NRP1: variants seen among roughly 807,000 people sequenced by gnomAD.
The protein encoded by NRP1 is neuropilin 1.
NRP1 carries 35 observed loss-of-function variants against 106.7 expected under a neutral mutation model. The observed-to-expected ratio is 0.33, with a 90% CI of 0.25 to 0.43. The LOEUF (loss-of-function observed/expected upper bound fraction) is 0.43, where lower values mean the gene tolerates loss of function less well. NRP1 is among the 20% of genes least tolerant of loss of function. NRP1 has a pLI of 1.00. For missense variants in NRP1, 1,024 were observed against 1,170.4 expected, an observed-to-expected ratio of 0.87 and a Z score of 1.83; for synonymous variants, 437 against 417.9, an observed-to-expected ratio of 1.05 and a Z score of -0.56.
intron 6 of NRP1, among the ~76,000 whole-genome samples, chr10:33,245,848 G>A (rs1171192727): frequency 6.6e-6 from 1 of 152,092 alleles, no homozygotes; most frequent in Non-Finnish European, 1.5e-5. Flanking sequence ...AATAGACACT[G>A]GCATCAAACA....
chr10:33,257,863 T>C (rs577997003), intron 4 of NRP1, among the ~76,000 whole-genome samples: 235 of 152,142 alleles, frequency 1.5e-3, no homozygotes, highest in African/African-American at 5.4e-3. Context: ...GGCAAAAACA[T>C]ACCAGATGGT....
chr10:33,217,766 C>A (rs1299349286), intron 8 of NRP1, among the ~76,000 whole-genome samples: 4 of 152,098 alleles, frequency 2.6e-5, no homozygotes, highest in African/African-American at 9.7e-5. Context: ...CACTTGGCAG[C>A]CTTGTTTGGA....
At chr10:33,185,142 TAA>T (rs1431842651) in intron 15 of NRP1, among the ~76,000 whole-genome samples, 6 of 152,248 alleles carry the variant, frequency 3.9e-5, no homozygotes, top group Non-Finnish European at 1.5e-5. Flanking sequence ...TCAGATATTT[TAA>T]AAGTCAGAAA....
intron 2 of NRP1, among the ~76,000 whole-genome samples, chr10:33,290,229 T>C: frequency 6.6e-6 from 1 of 152,168 alleles, no homozygotes; most frequent in East Asian, 1.9e-4. Context: ...ATCTTATCTG[T>C]CTACAGAAGA....
intron 3 of NRP1, among the ~76,000 whole-genome samples, chr10:33,264,426 T>C (rs946819470): frequency 6.6e-6 from 1 of 152,218 alleles, no homozygotes; most frequent in Non-Finnish European, 1.5e-5. Context: ...TGACTCATTC[T>C]GAGTGGTGTT....
chr10:33,286,687 T>A (rs944213950), intron 2 of NRP1, among the ~76,000 whole-genome samples: 28 of 152,176 alleles, frequency 1.8e-4, no homozygotes, highest in African/African-American at 6.8e-4. Flanking sequence ...CTTAACTTAT[T>A]CTGCTGACTT....
intron 8 of NRP1, among the ~76,000 whole-genome samples, chr10:33,220,900 C>CAAAAAAACAAAAAAA (rs1839183933): frequency 1.6e-5 from 1 of 60,680 alleles, no homozygotes; most frequent in Non-Finnish European, 2.9e-5. Context: ...GGCTCAGTCT[C>CAAAAAAACAAAAAAA]AAAAAAAAAA....
At chr10:33,209,756 C>T (rs937573429) in intron 9 of NRP1, among the ~76,000 whole-genome samples, 74 of 152,364 alleles carry the variant, frequency 4.9e-4, no homozygotes, top group African/African-American at 1.7e-3. Flanking sequence ...GGATTATAGG[C>T]GTGAGCCTTC....
intron 3 of NRP1, among the ~76,000 whole-genome samples, chr10:33,269,217 T>G (rs992111271): frequency 2.6e-5 from 4 of 152,214 alleles, no homozygotes; most frequent in African/African-American, 9.6e-5. Flanking sequence ...CAAAAGGAAT[T>G]TATAGGCAGT....
At position 33,192,413 on chromosome 10, in the gene NRP1, G is replaced by A; in HGVS notation, c.1930C>T (p.Pro644Ser). The A allele has an allele frequency of 6.2e-7, 1 of 1,613,616 alleles. No individual in the cohort carries two copies. Among genetic ancestry groups the A allele is most frequent in the Non-Finnish European group, 8.5e-7 (1 of 1,179,862 alleles). The change falls in exon 13 of 17, where the codon CCA (proline) becomes TCA (serine). Residue 644 changes from proline (P) to serine (S), a missense_variant. This residue lies in a region of NRP1 where 562 missense variants were observed against 620.3 expected (regional missense o/e 0.91). Coordinates refer to ENST00000374867, the MANE Select transcript of NRP1 (RefSeq NM_003873.7). ...AATTCACAGTTAAAACCATATGTTG[G>A]AAACTCTTCAGTGGGTGGGAAGTAA... ...VIDSTIQSEF[P>S]TYGFNCEFGW...
At chr10:33,259,301 C>T (rs554826444) in intron 4 of NRP1, among the ~76,000 whole-genome samples, 1 of 152,192 alleles carries the variant, frequency 6.6e-6, no homozygotes, top group Non-Finnish European at 1.5e-5. Flanking sequence ...GTGCCACTCT[C>T]TTTAGGAGCC....
rs149287152 is a variant in NRP1 at position 33,252,096 on chromosome 10, G to A, written c.981+1932C>T. Among the ~76,000 whole-genome samples the A allele has an allele frequency of 6.4e-3, 970 of 152,248 alleles. 4 individuals carry two copies. The highest frequency in any genetic ancestry group is 9.5e-3 in the Non-Finnish European group (644 of 68,032). ...AGATATACAAGCGGCTGGATATCGT[G>A]AGGAACACATTGGGGGAAGAAGGCA... On this transcript the variant is annotated intron_variant, in intron 6 of 16. Coordinates refer to ENST00000374867, the MANE Select transcript of NRP1 (RefSeq NM_003873.7).
chr10:33,309,950 C>CTTT (rs35907466), intron 2 of NRP1, among the ~76,000 whole-genome samples: 2 of 139,548 alleles, frequency 1.4e-5, no homozygotes, highest in African/African-American at 2.6e-5. Flanking sequence ...CTGTATTTGC[C>CTTT]TTTTTTTTTT....
intron 6 of NRP1, among the ~76,000 whole-genome samples, chr10:33,245,069 C>T (rs1841318432): frequency 6.6e-6 from 1 of 152,100 alleles, no homozygotes; most frequent in South Asian, 2.1e-4. Context: ...CTGCATAAGG[C>T]AAACAAACAC....
Position 33,263,718 on chromosome 10 carries a change from G to A in NRP1, c.586C>T (p.Pro196Ser). Residue 196 changes from proline (P) to serine (S), a missense_variant, in exon 4 of 17, where the codon CCT (proline) becomes TCT (serine). This residue lies in a region of NRP1 where 279 missense variants were observed against 327.4 expected (regional missense o/e 0.85). Transcript: ENST00000374867. Reference sequence around the variant, plus strand: ...ATCCCCCCTGGAGGATTTGAGTCAGGCTCCAGGTCAAAGCTTTCAAATTCC... The same window carrying A: ...ATCCCCCCTGGAGGATTTGAGTCAGACTCCAGGTCAAAGCTTTCAAATTCC... The part of the protein sequence containing the change: ...ILEFESFDLE[P>S]DSNPPGGMFC... 1 of 1,614,076 alleles carries A rather than the reference G, an allele frequency of 6.2e-7. No homozygotes were observed. The highest frequency in any genetic ancestry group is 8.5e-7 in the Non-Finnish European group (1 of 1,179,998).
intron 7 of NRP1, 130 bp downstream of exon 7, chr10:33,226,004 A>AATTGC: frequency 1.0e-6 from 1 of 998,174 alleles, no homozygotes; most frequent in African/African-American, 1.6e-5. Flanking sequence ...TTAAACCTCT[A>AATTGC]ATTGCACTTT....
intron 7 of NRP1, among the ~76,000 whole-genome samples, chr10:33,225,793 G>C (rs1008725465): frequency 6.6e-6 from 1 of 152,116 alleles, no homozygotes; most frequent in African/African-American, 2.4e-5. Flanking sequence ...GAAATCGAGG[G>C]GGGAAAAACA....
intron 2 of NRP1, among the ~76,000 whole-genome samples, chr10:33,302,382 C>T (rs955458275): frequency 2.6e-5 from 4 of 152,222 alleles, no homozygotes; most frequent in Admixed American, 1.3e-4. Flanking sequence ...TGGCCCACAG[C>T]CTACCAGGGC....
intron 2 of NRP1, among the ~76,000 whole-genome samples, chr10:33,309,454 T>C (rs1846412169): frequency 6.6e-6 from 1 of 152,238 alleles, no homozygotes; most frequent in Non-Finnish European, 1.5e-5. Context: ...TCTCTTCATA[T>C]GCATTCAATG....
Sources: allele counts gnomAD v4.1 joint callset (sites outside exome capture counted in the v4.1 genomes callset), GRCh38; gene constraint gnomAD v4.1.1; regional missense constraint gnomAD v4.1.1; transcripts MANE v1.5; gene names NCBI Gene and HGNC (gene_info 2026-07-23, HGNC 2026-07-21).